Variants in GIN1 observed in about 807,000 individuals in gnomAD.
GIN1 encodes the protein gypsy retrotransposon integrase 1.
Under a neutral mutation model 51.4 loss-of-function variants are expected in GIN1, and 41 were observed. The ratio of observed to expected loss-of-function variants is 0.80; its 90% CI spans 0.62 to 1.04. The LOEUF (loss-of-function observed/expected upper bound fraction) is 1.04. Ranked by LOEUF, GIN1 falls within the 50% of genes least tolerant of loss-of-function variation. The probability of loss-of-function intolerance (pLI) is 0.00; values close to 1 mark genes in which losing one functional copy is unlikely to be tolerated. For missense variants in GIN1, 610 were observed against 612.4 expected, an observed-to-expected ratio of 1.00 and a Z score of 0.04; for synonymous variants, 222 against 206.5, an observed-to-expected ratio of 1.07 and a Z score of -0.64.
At chr5:103,116,147 A>G (rs1257612186) in intron 1 of GIN1, among the ~76,000 whole-genome samples, 1 of 152,146 alleles carries the variant, frequency 6.6e-6, no homozygotes, top group Non-Finnish European at 1.5e-5. Flanking sequence ...TCTAAAATTG[A>G]TATGGAAAGC....
In GIN1 at chr5:103,088,086, T is replaced by C. The variant is rs782222140; in HGVS notation, c.1381A>G (p.Asn461Asp). The stretch of plus-strand genomic sequence containing the variant: ...ATAGTTGCATCTTCCACCAGAATAT[T>C]TGCTTGATATGCTCCAATCGGAATT... ...PEIPIGAYQA[N>D]ILVEDATIGI... is the part of the protein sequence containing the mutation. Residue 461 changes from asparagine (N) to aspartate (D), a missense_variant, in exon 8 of 8, where the codon AAT (asparagine) becomes GAT (aspartate). Physicochemically the swap from Asn to Asp is conservative, Grantham distance 23. Transcript: ENST00000399004. The C allele has an allele frequency of 6.2e-7, 1 of 1,609,692 alleles. No homozygotes were observed. Among genetic ancestry groups the C allele is most frequent in the African/African-American group, 1.3e-5 (1 of 74,976 alleles).
chr5:103,099,881 C>T (rs1171225534), intron 4 of GIN1, among the ~76,000 whole-genome samples: 1 of 152,118 alleles, frequency 6.6e-6, no homozygotes, highest in Non-Finnish European at 1.5e-5. Context: ...CAATAAACCT[C>T]CCACATTGTG....
At chr5:103,114,037 T>C (rs1787958523) in intron 1 of GIN1, among the ~76,000 whole-genome samples, 1 of 152,224 alleles carries the variant, frequency 6.6e-6, no homozygotes, top group African/African-American at 2.4e-5. Context: ...AACCATCCCA[T>C]GCAGTGTGCT....
chr5:103,104,222 G>C (rs143983805), intron 4 of GIN1, among the ~76,000 whole-genome samples: 71 of 152,182 alleles, frequency 4.7e-4, no homozygotes, highest in African/African-American at 1.4e-3. Flanking sequence ...TAAACTGTTG[G>C]GATTATAGGC....
intron 7 of GIN1, among the ~76,000 whole-genome samples, chr5:103,093,430 A>G (rs1448178753): frequency 2.6e-5 from 4 of 152,212 alleles, no homozygotes; most frequent in Admixed American, 2.6e-4. Context: ...GCTGGAAAAG[A>G]CAAGAAAATG....
intron 4 of GIN1, among the ~76,000 whole-genome samples, chr5:103,099,915 T>A (rs1209522430): frequency 1.3e-5 from 2 of 152,154 alleles, no homozygotes; most frequent in African/African-American, 4.8e-5. Context: ...TATTTAGCAG[T>A]GTTTTCTGCA....
intron 2 of GIN1, among the ~76,000 whole-genome samples, chr5:103,107,111 G>A (rs1787748563): frequency 6.6e-6 from 1 of 151,948 alleles, no homozygotes; most frequent in Admixed American, 6.6e-5. Flanking sequence ...TACTTAGGAA[G>A]GGCAGTAGCT....
At position 103,097,299 on chromosome 5, in the gene GIN1, A is replaced by G; in HGVS notation, c.1008+15T>C. The G allele has an allele frequency of 1.4e-6, 2 of 1,479,944 alleles. No homozygotes were observed. Among genetic ancestry groups the G allele is most frequent in the Non-Finnish European group, 1.9e-6 (2 of 1,072,524 alleles). 91.7% of individuals were successfully genotyped at this position (1,479,944 alleles called of 1,614,324 possible). On this transcript the variant is annotated intron_variant, in intron 6 of 7. Transcript: ENST00000399004. ...TAAAGTTTTAGATTACAGTTTTTCT[A>G]TTGAATAGAATCACCTGGCCCAGTG...
At chr5:103,107,349 G>A (rs1267736810) in intron 2 of GIN1, among the ~76,000 whole-genome samples, 5 of 152,030 alleles carry the variant, frequency 3.3e-5, no homozygotes, top group Non-Finnish European at 7.4e-5. Flanking sequence ...ATTTTTGCAA[G>A]CAAACAGCTC....
At position 103,097,585 on chromosome 5, in the gene GIN1, C is replaced by T. The variant is rs781894981; in HGVS notation, c.831+5G>A. The T allele has an allele frequency of 6.3e-7, 1 of 1,584,122 alleles. No homozygotes were observed. Among genetic ancestry groups the T allele is most frequent in the Admixed American group, 1.7e-5 (1 of 59,806 alleles). On this transcript the variant is annotated splice_donor_5th_base_variant and intron_variant, in intron 5 of 7. Transcript: ENST00000399004. ...AGAAGTACAGAATTATAAAAAGGCA[C>T]ATACCAAGTGAGTTACATTGAAGGC...
At chr5:103,117,942 C>T (rs1362764963) in intron 1 of GIN1, among the ~76,000 whole-genome samples, 1 of 152,070 alleles carries the variant, frequency 6.6e-6, no homozygotes, top group Non-Finnish European at 1.5e-5. Context: ...TTATCCTTAG[C>T]TTTTATAATA....
Position 103,097,325 on chromosome 5 carries a change from A to C in GIN1, c.997T>G (p.Ser333Ala). 6.3e-7 allele frequency: 1 copy of C among 1,585,386 alleles called. No homozygotes were observed. ...TTGAATAGAATCACCTGGCCCAGTGAAGTTGTCTTATTCTCCATTATTTTA... is the reference window on the plus strand; with the variant it reads ...TTGAATAGAATCACCTGGCCCAGTGCAGTTGTCTTATTCTCCATTATTTTA... ...ADKIMENKTT[S>A]LGQMENNNLD... The change falls in exon 6 of 8, where the codon TCA becomes GCA. Residue 333 changes from serine to alanine, a missense_variant. Ser to Ala is a moderately conservative substitution (Grantham distance 99). Coordinates refer to ENST00000399004, the MANE Select transcript of GIN1 (RefSeq NM_017676.2).
chr5:103,108,245 T>G (rs1009715151), intron 2 of GIN1, among the ~76,000 whole-genome samples: 3 of 152,072 alleles, frequency 2.0e-5, no homozygotes, highest in Non-Finnish European at 2.9e-5. Flanking sequence ...AAAAAGTTCC[T>G]CATTGAAATT....
chr5:103,104,433 T>G, intron 4 of GIN1, 108 bp downstream of exon 4: 1 of 610,306 alleles, frequency 1.6e-6, no homozygotes, highest in South Asian at 2.1e-5. Context: ...CTACAGAAAT[T>G]TATCTGAACT....
intron 1 of GIN1, among the ~76,000 whole-genome samples, chr5:103,115,699 TTAC>T (rs1788012867): frequency 6.6e-6 from 1 of 152,144 alleles, no homozygotes; most frequent in Non-Finnish European, 1.5e-5. Context: ...TATGTGTGAT[TTAC>T]TACAATTAAA....
At chr5:103,107,615 T>C (rs994515454) in intron 2 of GIN1, among the ~76,000 whole-genome samples, 1 of 152,112 alleles carries the variant, frequency 6.6e-6, no homozygotes, top group Admixed American at 6.6e-5. Flanking sequence ...CCTTATTTTT[T>C]AGAATTAGAA....
At chr5:103,119,592 C>T (rs542218694) in intron 1 of GIN1, among the ~76,000 whole-genome samples, 1 of 152,334 alleles carries the variant, frequency 6.6e-6, no homozygotes, top group African/African-American at 2.4e-5. Context: ...AGGATTCCCT[C>T]TTGACCTCAC....
intron 1 of GIN1, among the ~76,000 whole-genome samples, chr5:103,117,577 A>T (rs1261328242): frequency 1.2e-5 from 1 of 86,150 alleles, no homozygotes; most frequent in Admixed American, 1.1e-4. Context: ...TGAAGAAAAA[A>T]ATATACACAC....
chr5:103,114,083 CT>C (rs61253703), intron 1 of GIN1, among the ~76,000 whole-genome samples: 38,829 of 152,060 alleles, frequency 0.26, 5,524 homozygotes, highest in East Asian at 0.45. Context: ...CTGGAATGAA[CT>C]TTTATTGCTA....
Sources: allele counts gnomAD v4.1 joint callset (sites outside exome capture counted in the v4.1 genomes callset), GRCh38; gene constraint gnomAD v4.1.1; transcripts MANE v1.5; gene names NCBI Gene and HGNC (gene_info 2026-07-23, HGNC 2026-07-21).